The following CCDC141 variants were observed in gnomAD, a reference collection of about 807,000 sequenced individuals.
CCDC141 encodes the protein coiled-coil domain containing 141.
CCDC141 carries 168 observed loss-of-function variants against 181.0 expected under a neutral mutation model. The observed-to-expected ratio is 0.93, with a 90% CI of 0.82 to 1.05. The LOEUF (loss-of-function observed/expected upper bound fraction) is 1.05, where lower values mean the gene tolerates loss of function less well. Among genes scored for constraint, CCDC141 ranks in the 50% least tolerant of loss-of-function variants. The pLI, the probability that CCDC141 is intolerant of heterozygous loss-of-function variation, is 0.00. For missense variants in CCDC141, 1,902 were observed against 1,788.5 expected (o/e 1.06, Z -1.14); for synonymous variants, 666 against 642.3 (o/e 1.04, Z -0.56).
chr2:178,986,713 C>A (rs1691762744), intron 2 of CCDC141, among the ~76,000 whole-genome samples: 1 of 151,860 alleles, frequency 6.6e-6, no homozygotes, highest in East Asian at 1.9e-4. Context: ...AACTCCCATT[C>A]ACAATTGCTT....
chr2:179,049,372 G>A (rs1473539780), intron 1 of CCDC141, among the ~76,000 whole-genome samples: 1 of 152,042 alleles, frequency 6.6e-6, no homozygotes, highest in Non-Finnish European at 1.5e-5. Flanking sequence ...TGTTTTCTGA[G>A]TTCCATCGTG....
intron 2 of CCDC141, among the ~76,000 whole-genome samples, chr2:178,982,947 C>T (rs954345718): frequency 6.6e-6 from 1 of 152,238 alleles, no homozygotes; most frequent in Non-Finnish European, 1.5e-5. Context: ...GAAGCTCGAA[C>T]TGGATGGAGC....
At chr2:179,012,091 CAGA>C (rs1050058650) in intron 2 of CCDC141, among the ~76,000 whole-genome samples, 15 of 151,974 alleles carry the variant, frequency 9.9e-5, no homozygotes, top group Admixed American at 2.0e-4. Context: ...AACCCAAACC[CAGA>C]AGAAGAAAGG....
intron 4 of CCDC141, among the ~76,000 whole-genome samples, chr2:178,963,015 C>G (rs898602664): frequency 2.0e-5 from 3 of 152,166 alleles, no homozygotes; most frequent in African/African-American, 7.2e-5. Flanking sequence ...TCTGTCTTTG[C>G]CACTAGGCTC....
intron 6 of CCDC141, among the ~76,000 whole-genome samples, chr2:178,923,009 T>C (rs987833625): frequency 3.3e-5 from 5 of 152,348 alleles, no homozygotes; most frequent in African/African-American, 9.6e-5. Flanking sequence ...GGGCAATCTA[T>C]AGGCAGTTTC....
intron 2 of CCDC141, among the ~76,000 whole-genome samples, chr2:179,015,976 C>CAT: frequency 6.9e-6 from 1 of 145,494 alleles, no homozygotes; most frequent in East Asian, 2.0e-4. Context: ...ATATATATCT[C>CAT]ATATATGTAT....
At chr2:179,029,436 T>C (rs2042945375) in intron 2 of CCDC141, among the ~76,000 whole-genome samples, 1 of 152,224 alleles carries the variant, frequency 6.6e-6, no homozygotes, top group Non-Finnish European at 1.5e-5. Context: ...ATTTAAAGAT[T>C]AAATATCTAA....
At chr2:178,873,735 A>C (rs1359427066) in intron 12 of CCDC141, 3 of 152,208 alleles carry the variant, frequency 2.0e-5, no homozygotes, top group Non-Finnish European at 2.9e-5. Flanking sequence ...ATTAGTAAAC[A>C]CAGTACTCAT....
intron 8 of CCDC141, among the ~76,000 whole-genome samples, chr2:178,893,222 T>TC (rs1687240055): frequency 3.2e-5 from 1 of 31,094 alleles, no homozygotes; most frequent in Non-Finnish European, 1.3e-4. Flanking sequence ...AAATAATTGC[T>TC]TTTTTTTTTT....
intron 8 of CCDC141, among the ~76,000 whole-genome samples, chr2:178,896,591 TA>T (rs2154371830): frequency 6.6e-6 from 1 of 152,294 alleles, no homozygotes; most frequent in South Asian, 2.1e-4. Flanking sequence ...CTAAAATATA[TA>T]TTTTTAAAAA....
At chr2:179,025,518 G>A (rs547577767) in intron 2 of CCDC141, among the ~76,000 whole-genome samples, 1 of 152,308 alleles carries the variant, frequency 6.6e-6, no homozygotes, top group South Asian at 2.1e-4. Flanking sequence ...CTTCTGCCAT[G>A]ATTGTGAGGC....
At chr2:178,941,211 C>A (rs951912061) in intron 6 of CCDC141, among the ~76,000 whole-genome samples, 4 of 152,242 alleles carry the variant, frequency 2.6e-5, no homozygotes, top group Admixed American at 6.5e-5. Context: ...GTTTGACCAC[C>A]CCCTCCTAAC....
intron 2 of CCDC141, among the ~76,000 whole-genome samples, chr2:179,043,137 T>C (rs2043367719): frequency 6.6e-6 from 1 of 152,036 alleles, no homozygotes; most frequent in South Asian, 2.1e-4. Context: ...ATGAATAAAT[T>C]CCTGGACACA....
intron 2 of CCDC141, among the ~76,000 whole-genome samples, chr2:179,020,116 A>AT (rs1399252853): frequency 6.6e-6 from 1 of 152,184 alleles, no homozygotes; most frequent in Non-Finnish European, 1.5e-5. Flanking sequence ...AGCAATAAAG[A>AT]CTGTTATAAC....
chr2:179,015,453 T>TTCC (rs1431845034), intron 2 of CCDC141, among the ~76,000 whole-genome samples: 1 of 127,522 alleles, frequency 7.8e-6, no homozygotes, highest in African/African-American at 2.8e-5. Flanking sequence ...CTCATATATG[T>TTCC]ACCATATATA....
intron 2 of CCDC141, among the ~76,000 whole-genome samples, chr2:179,007,601 G>C (rs1157782593): frequency 6.6e-6 from 1 of 151,962 alleles, no homozygotes; most frequent in Non-Finnish European, 1.5e-5. Context: ...GTCTAAATGA[G>C]ATTTTTATTT....
intron 2 of CCDC141, among the ~76,000 whole-genome samples, chr2:179,046,454 A>G (rs935427785): frequency 6.6e-6 from 1 of 152,202 alleles, no homozygotes; most frequent in Non-Finnish European, 1.5e-5. Context: ...AGCCCCACTC[A>G]GTGACCGTTG....
At chr2:179,007,121 C>T (rs142330586) in intron 2 of CCDC141, among the ~76,000 whole-genome samples, 179 of 152,246 alleles carry the variant, frequency 1.2e-3, no homozygotes, top group African/African-American at 4.1e-3. Flanking sequence ...AATCAGGTTC[C>T]ACAGAATCTT....
the CCDC141 span, among the ~76,000 whole-genome samples, chr2:178,819,152 G>A: frequency 7.9e-5 from 12 of 152,272 alleles, no homozygotes; most frequent in African/African-American, 2.4e-4. Context: ...TTGGAACTAC[G>A]CATGTAGCCA....
Sources: gnomAD v4.1 joint callset for allele counts (sites outside exome capture counted in the v4.1 genomes callset) on GRCh38, gnomAD v4.1.1 for gene constraint, MANE v1.5 for transcripts, NCBI Gene and HGNC (gene_info 2026-07-23, HGNC 2026-07-21) for gene names.